CDA: variants seen among roughly 807,000 people sequenced by gnomAD.
The protein encoded by CDA is cytidine deaminase.
In CDA, 7 loss-of-function variants were observed where a neutral mutation model predicts 15.0. That is an observed-to-expected ratio of 0.47 (90% CI 0.26 to 0.87). The LOEUF (loss-of-function observed/expected upper bound fraction) is 0.87, where lower values mean the gene tolerates loss of function less well. CDA is among the 40% of genes least tolerant of loss of function. CDA has a pLI of 0.15. For missense variants in CDA, 159 were observed against 182.7 expected (o/e 0.87, Z 0.75); for synonymous variants, 58 against 73.0 (o/e 0.79, Z 1.05).
intron 1 of CDA, among the ~76,000 whole-genome samples, chr1:20,603,914 G>C (rs912216238): frequency 2.0e-5 from 3 of 152,096 alleles, no homozygotes; most frequent in African/African-American, 7.2e-5. Context: ...AACCCTGAGA[G>C]AGCCAACAGG....
intron 1 of CDA, among the ~76,000 whole-genome samples, chr1:20,591,328 G>A (rs751163286): frequency 1.3e-5 from 2 of 151,970 alleles, no homozygotes; most frequent in African/African-American, 2.4e-5. Context: ...GCGACAGAGC[G>A]AGACTCTGTC....
chr1:20,607,871 C>A (rs149980257), intron 2 of CDA, among the ~76,000 whole-genome samples: 6 of 152,302 alleles, frequency 3.9e-5, no homozygotes, highest in Non-Finnish European at 7.3e-5. Context: ...TCAGAGAGAA[C>A]CCCTCTCAGG....
At chr1:20,589,589 T>C (rs1169441583) in intron 1 of CDA, among the ~76,000 whole-genome samples, 1 of 152,236 alleles carries the variant, frequency 6.6e-6, no homozygotes, top group East Asian at 1.9e-4. Context: ...AGGGAGAGCG[T>C]TCGTGCTTTC....
At chr1:20,604,900 A>G (rs368905672) in intron 1 of CDA, 28 bp from the exon 2 acceptor site, 3 of 1,446,236 alleles carry the variant, frequency 2.1e-6, no homozygotes, top group Middle Eastern at 1.7e-4. Flanking sequence ...TCTGCCAGAC[A>G]TACCACTGGA....
At chr1:20,613,976 G>T (rs2052779779) in intron 3 of CDA, 77 bp downstream of exon 3, 2 of 1,242,502 alleles carry the variant, frequency 1.6e-6, no homozygotes, top group Non-Finnish European at 2.4e-6. Flanking sequence ...CAAGTTGCAG[G>T]CATGGCAGGC....
intron 2 of CDA, among the ~76,000 whole-genome samples, chr1:20,611,219 A>G (rs895000577): frequency 6.6e-6 from 1 of 152,168 alleles, no homozygotes. Flanking sequence ...TAGCCTAGAC[A>G]ACAGAACAAG....
intron 3 of CDA, 148 bp from the exon 4 acceptor site, chr1:20,618,304 T>G: frequency 1.5e-6 from 1 of 662,234 alleles, no homozygotes; most frequent in Non-Finnish European, 2.8e-6. Context: ...ATGATCCAGG[T>G]ACAATTATGG....
intron 1 of CDA, among the ~76,000 whole-genome samples, chr1:20,599,652 CAAAAT>C (rs1273631338): frequency 3.5e-5 from 1 of 28,534 alleles, no homozygotes; most frequent in African/African-American, 1.3e-4. Context: ...TAAAATAAAA[CAAAAT>C]AAAATAAAAT....
At chr1:20,603,784 G>A (rs1359724235) in intron 1 of CDA, among the ~76,000 whole-genome samples, 1 of 152,244 alleles carries the variant, frequency 6.6e-6, no homozygotes. Flanking sequence ...GGAAAACCCA[G>A]CTCCCATAGT....
intron 1 of CDA, 119 bp downstream of exon 1, chr1:20,589,402 T>G: frequency 1.0e-6 from 1 of 965,974 alleles, no homozygotes; most frequent in Non-Finnish European, 1.6e-6. Context: ...CTGTCCCTTC[T>G]TCCCCCAGTC....
At chr1:20,589,773 G>A (rs983984821) in intron 1 of CDA, among the ~76,000 whole-genome samples, 1 of 152,136 alleles carries the variant, frequency 6.6e-6, no homozygotes, top group African/African-American at 2.4e-5. Context: ...CCCTGGGCTG[G>A]AGGTTCCCCA....
At chr1:20,610,829 A>G (rs1338481846) in intron 2 of CDA, among the ~76,000 whole-genome samples, 1 of 152,182 alleles carries the variant, frequency 6.6e-6, no homozygotes, top group African/African-American at 2.4e-5. Context: ...CATTCTTACA[A>G]AGCAGATGAC....
chr1:20,589,124 A>C lies in CDA; in HGVS notation c.-6A>C, dbSNP rs746108132. 1 of 1,613,978 alleles carries C rather than the reference A, an allele frequency of 6.2e-7. No homozygotes were observed. The highest frequency in any genetic ancestry group is 8.5e-7 in the Non-Finnish European group (1 of 1,179,978). ...CGCTGCTCTGCTGCCTGCCCGGGGT[A>C]CCAACATGGCCCAGAAGCGTCCTGC... On this transcript the variant is annotated 5_prime_UTR_variant, in exon 1 of 4. Transcript: ENST00000375071.
intron 1 of CDA, among the ~76,000 whole-genome samples, chr1:20,598,302 A>C (rs2052607686): frequency 6.6e-6 from 1 of 152,140 alleles, no homozygotes; most frequent in African/African-American, 2.4e-5. Flanking sequence ...CTGCCACATG[A>C]GGAATAGTGT....
chr1:20,601,852 G>C (rs1368567581), intron 1 of CDA, among the ~76,000 whole-genome samples: 1 of 152,044 alleles, frequency 6.6e-6, no homozygotes, highest in African/African-American at 2.4e-5. Context: ...GTGTAGGCTG[G>C]GCACCGTGGC....
intron 1 of CDA, among the ~76,000 whole-genome samples, chr1:20,595,150 C>A (rs2052582084): frequency 6.6e-6 from 1 of 152,116 alleles, no homozygotes; most frequent in African/African-American, 2.4e-5. Flanking sequence ...GGACAGTGGT[C>A]TCTCTCCCTC....
chr1:20,596,417 T>A (rs2052592099), intron 1 of CDA, among the ~76,000 whole-genome samples: 1 of 152,200 alleles, frequency 6.6e-6, no homozygotes, highest in African/African-American at 2.4e-5. Context: ...CCAGACCTAT[T>A]GAATCAGAAA....
intron 2 of CDA, among the ~76,000 whole-genome samples, chr1:20,612,760 T>C (rs557768512): frequency 1.2e-4 from 18 of 151,710 alleles, no homozygotes; most frequent in Non-Finnish European, 2.2e-4. Flanking sequence ...CTGGCTAACA[T>C]AGTGAAACCC....
At chr1:20,589,320 G>T in intron 1 of CDA, 37 bp downstream of exon 1, 1 of 1,602,912 alleles carries the variant, frequency 6.2e-7, no homozygotes, top group Middle Eastern at 1.7e-4. Context: ...CAGCCCAGCA[G>T]CCTGGGTGGT....
Sources: allele counts gnomAD v4.1 joint callset (sites outside exome capture counted in the v4.1 genomes callset), GRCh38; gene constraint gnomAD v4.1.1; transcripts MANE v1.5; gene names NCBI Gene and HGNC (gene_info 2026-07-23, HGNC 2026-07-21).